The following DPP10 variants were observed in gnomAD, a reference collection of about 807,000 sequenced individuals.
DPP10 encodes the protein inactive dipeptidyl peptidase 10.
A neutral mutation model predicts 120.9 loss-of-function variants in DPP10; 33 were observed. The ratio of observed to expected loss-of-function variants is 0.27; its 90% CI spans 0.21 to 0.37. The LOEUF (loss-of-function observed/expected upper bound fraction) is 0.37. DPP10 is among the 10% of genes least tolerant of loss of function. The pLI, the probability that DPP10 is intolerant of heterozygous loss-of-function variation, is 1.00. For synonymous variants in DPP10, 337 were observed against 326.1 expected (o/e 1.03, Z -0.36); for missense variants, 816 against 942.8 (o/e 0.87, Z 1.76).
At chr2:115,644,307 C>T (rs957324264) in intron 5 of DPP10, among the ~76,000 whole-genome samples, 22 of 152,046 alleles carry the variant, frequency 1.4e-4, no homozygotes, top group Admixed American at 1.3e-3. Context: ...TGCTATCCCT[C>T]CCCCCTCCGC....
intron 1 of DPP10, among the ~76,000 whole-genome samples, chr2:114,509,286 C>T (rs1375762233): frequency 3.9e-5 from 6 of 152,190 alleles, no homozygotes; most frequent in African/African-American, 1.4e-4. Flanking sequence ...CTGACTGAGA[C>T]AAATCATAAT....
chr2:115,490,685 T>C (rs2076059873), intron 3 of DPP10, among the ~76,000 whole-genome samples: 1 of 152,214 alleles, frequency 6.6e-6, no homozygotes, highest in South Asian at 2.1e-4. Flanking sequence ...AAGTTTAAAT[T>C]TATATATGTG....
intron 1 of DPP10, among the ~76,000 whole-genome samples, chr2:114,881,079 G>T (rs958335467): frequency 1.9e-4 from 29 of 152,222 alleles, no homozygotes; most frequent in African/African-American, 7.0e-4. Context: ...AATCTTACCT[G>T]TATATTTTGT....
chr2:115,221,579 C>G (rs1199576247), intron 1 of DPP10, among the ~76,000 whole-genome samples: 1 of 152,062 alleles, frequency 6.6e-6, no homozygotes, highest in Non-Finnish European at 1.5e-5. Flanking sequence ...GATGGCTGAC[C>G]TCTTCTTTAG....
chr2:115,000,399 C>T (rs934374513), intron 1 of DPP10, among the ~76,000 whole-genome samples: 3 of 152,096 alleles, frequency 2.0e-5, no homozygotes, highest in African/African-American at 7.2e-5. Context: ...GAGTCAATAA[C>T]TCCAGCAAAT....
chr2:115,132,908 C>T (rs1174678593), intron 1 of DPP10, among the ~76,000 whole-genome samples: 4 of 151,972 alleles, frequency 2.6e-5, no homozygotes, highest in African/African-American at 7.2e-5. Context: ...GGTATGATTT[C>T]TGTCATTCCA....
chr2:115,242,149 G>A (rs1174662005), intron 1 of DPP10, among the ~76,000 whole-genome samples: 1 of 151,944 alleles, frequency 6.6e-6, no homozygotes. Flanking sequence ...TATCCCTCAT[G>A]CTCTTCCCAC....
chr2:114,620,085 T>C (rs1266080008), intron 1 of DPP10, among the ~76,000 whole-genome samples: 1 of 151,992 alleles, frequency 6.6e-6, no homozygotes, highest in Admixed American at 6.6e-5. Flanking sequence ...ATTTAATTGT[T>C]GACATGCTCA....
At chr2:115,323,987 C>T (rs775020092) in intron 2 of DPP10, among the ~76,000 whole-genome samples, 5 of 152,068 alleles carry the variant, frequency 3.3e-5, no homozygotes, top group Non-Finnish European at 7.4e-5. Context: ...CTGCATTAGC[C>T]CCTAATAGGA....
At chr2:115,770,785 A>C (rs1032626982) in intron 13 of DPP10, among the ~76,000 whole-genome samples, 8 of 152,174 alleles carry the variant, frequency 5.3e-5, no homozygotes, top group Non-Finnish European at 1.2e-4. Flanking sequence ...ATAAAGGAGT[A>C]TATAAAAATC....
At chr2:115,313,370 G>C (rs952829979) in intron 2 of DPP10, among the ~76,000 whole-genome samples, 1 of 152,184 alleles carries the variant, frequency 6.6e-6, no homozygotes, top group Non-Finnish European at 1.5e-5. Context: ...CTCTTGAAGT[G>C]TATTATAACT....
intron 15 of DPP10, among the ~76,000 whole-genome samples, chr2:115,780,514 G>A (rs1345882794): frequency 6.6e-6 from 1 of 151,632 alleles, no homozygotes; most frequent in East Asian, 1.9e-4. Context: ...AATAATCTCT[G>A]TGGGAAATTC....
chr2:115,706,820 G>C (rs2092128323), intron 7 of DPP10, among the ~76,000 whole-genome samples: 1 of 152,034 alleles, frequency 6.6e-6, no homozygotes, highest in South Asian at 2.1e-4. Context: ...GTGATTTACT[G>C]TGTTTTATTA....
chr2:114,893,970 T>C (rs1692760920), intron 1 of DPP10, among the ~76,000 whole-genome samples: 1 of 152,208 alleles, frequency 6.6e-6, no homozygotes, highest in Admixed American at 6.5e-5. Flanking sequence ...TCCTCATTTT[T>C]CTTCCTCATG....
chr2:115,601,701 A>G (rs1282863465), intron 5 of DPP10, among the ~76,000 whole-genome samples: 4 of 152,158 alleles, frequency 2.6e-5, no homozygotes, highest in Non-Finnish European at 5.9e-5. Flanking sequence ...ATGGAGACGG[A>G]GTCTTTCTCT....
intron 7 of DPP10, among the ~76,000 whole-genome samples, chr2:115,696,546 C>T (rs2091598690): frequency 6.6e-6 from 1 of 152,156 alleles, no homozygotes; most frequent in South Asian, 2.1e-4. Flanking sequence ...GAAATTAAGA[C>T]ATTCTCAGAT....
At chr2:115,338,403 C>A (rs1344708064) in intron 2 of DPP10, among the ~76,000 whole-genome samples, 1 of 151,964 alleles carries the variant, frequency 6.6e-6, no homozygotes, top group Admixed American at 6.6e-5. Flanking sequence ...GGAAAAAAAG[C>A]AATGTCACTG....
intron 1 of DPP10, among the ~76,000 whole-genome samples, chr2:114,579,142 T>C (rs139793077): frequency 1.2e-3 from 176 of 152,300 alleles, no homozygotes; most frequent in African/African-American, 4.0e-3. Context: ...AGTATGGGAT[T>C]TGGTGAATTT....
chr2:115,593,502 T>C (rs1298686122), intron 5 of DPP10, among the ~76,000 whole-genome samples: 2 of 152,168 alleles, frequency 1.3e-5, no homozygotes, highest in African/African-American at 4.8e-5. Flanking sequence ...TAGCTTCAAT[T>C]TGCAGGGCTT....
Sources: gnomAD v4.1 joint callset for allele counts (sites outside exome capture counted in the v4.1 genomes callset) on GRCh38, gnomAD v4.1.1 for gene constraint, MANE v1.5 for transcripts, NCBI Gene and HGNC (gene_info 2026-07-23, HGNC 2026-07-21) for gene names.